NCOA7: variants seen among roughly 807,000 people sequenced by gnomAD.
The protein encoded by NCOA7 is 140 kDa estrogen receptor-associated protein.
A neutral mutation model predicts 104.3 loss-of-function variants in NCOA7; 45 were observed. That is an observed-to-expected ratio of 0.43 (90% confidence interval 0.34 to 0.55). The LOEUF (loss-of-function observed/expected upper bound fraction) is 0.55, where lower values mean the gene tolerates loss of function less well. NCOA7 is among the 20% of genes least tolerant of loss of function. The probability of loss-of-function intolerance (pLI) is 0.02; values close to 1 mark genes in which losing one functional copy is unlikely to be tolerated. For missense variants in NCOA7, 1,041 were observed against 1,119.7 expected (o/e 0.93, Z 1.00); for synonymous variants, 398 against 402.3 (o/e 0.99, Z 0.13).
intron 2 of NCOA7, among the ~76,000 whole-genome samples, chr6:125,837,505 G>A (rs554572919): frequency 6.6e-6 from 1 of 152,212 alleles, no homozygotes; most frequent in Non-Finnish European, 1.5e-5. Context: ...CCTTTTACAT[G>A]TCTCTCAGCT....
chr6:125,784,060 A>G (rs1436035998), intron 1 of NCOA7, among the ~76,000 whole-genome samples: 7 of 152,222 alleles, frequency 4.6e-5, no homozygotes, highest in Non-Finnish European at 1.0e-4. Flanking sequence ...ACTTGCCCAC[A>G]AGTGATTCAT....
rs1475247682 is a variant in NCOA7, at chr6:125,856,332, T to C, written c.271+1092T>C. Among the ~76,000 whole-genome samples, 19 of 149,218 alleles carry C rather than the reference T, an allele frequency of 1.3e-4. No homozygotes were observed. In the Admixed American group the frequency reaches 1.3e-3, roughly 10 times the overall value. On this transcript the variant is annotated intron_variant, in intron 3 of 15. Coordinates refer to ENST00000392477, the MANE Select transcript of NCOA7 (RefSeq NM_181782.5). ...AAAGTTACAGGAAGACATATGTTTA[T>C]GTCTCCATGTTTTTTTGTTTGTTTT...
At chr6:125,801,603 A>T (rs998462235) in intron 1 of NCOA7, among the ~76,000 whole-genome samples, 38 of 152,324 alleles carry the variant, frequency 2.5e-4, no homozygotes, top group African/African-American at 8.7e-4. Context: ...AGGTGTCAGC[A>T]GGGCCGTGTT....
chr6:125,830,112 A>G (rs1779036297), intron 2 of NCOA7, among the ~76,000 whole-genome samples: 1 of 152,206 alleles, frequency 6.6e-6, no homozygotes, highest in Non-Finnish European at 1.5e-5. Context: ...CTCTTGTTAG[A>G]GGGAAGTTGT....
rs566588759 is a variant in NCOA7, at chr6:125,840,097, T to C, written c.51-14923T>C. 3.5e-4 allele frequency among the ~76,000 whole-genome samples: 53 copies of C among 152,110 alleles called. No individual in the cohort carries two copies. In the South Asian group the frequency reaches 0.01, roughly 30 times the overall value. ...CCTGAGAACTTCCAGTGGGACAGGATGTGGAGGTGGAAGACAATGACGTTG... is the reference window on the plus strand; with the variant it reads ...CCTGAGAACTTCCAGTGGGACAGGACGTGGAGGTGGAAGACAATGACGTTG... On this transcript the variant is annotated intron_variant, in intron 2 of 15. Coordinates refer to ENST00000392477, the MANE Select transcript of NCOA7 (RefSeq NM_181782.5).
intron 2 of NCOA7, among the ~76,000 whole-genome samples, chr6:125,839,557 ACCTC>A (rs1447761230): frequency 6.6e-6 from 1 of 151,722 alleles, no homozygotes; most frequent in Admixed American, 6.6e-5. Context: ...CTCTCGAGGC[ACCTC>A]CCTCCCTCCG....
At chr6:125,783,803 A>C (rs532903949) in intron 1 of NCOA7, among the ~76,000 whole-genome samples, 1 of 152,344 alleles carries the variant, frequency 6.6e-6, no homozygotes, top group East Asian at 1.9e-4. Flanking sequence ...TTTTTTACAC[A>C]AAGAGTAGCA....
chr6:125,862,264 A>G lies in NCOA7; in HGVS notation c.271+7024A>G, dbSNP rs1238888457. 1.5e-5 allele frequency among the ~76,000 whole-genome samples: 2 copies of G among 137,046 alleles called. 1 individual carries two copies. Among genetic ancestry groups the G allele is most frequent in the Non-Finnish European group, 3.1e-5 (2 of 64,692 alleles). 89.9% of individuals were successfully genotyped at this position (137,046 alleles called of 152,430 possible). Reference sequence around the variant, plus strand: ...CCTTAGTTAGGCAGAATTATGGGGAATACTCAGTCCTCCGAATAACTGTAG... The same window carrying G: ...CCTTAGTTAGGCAGAATTATGGGGAGTACTCAGTCCTCCGAATAACTGTAG... On this transcript the variant is annotated intron_variant, in intron 3 of 15. Transcript: ENST00000392477.
intron 11 of NCOA7, chr6:125,919,266 A>T (rs1787352898): frequency 6.2e-7 from 1 of 1,611,332 alleles, no homozygotes; most frequent in Admixed American, 1.7e-5. Context: ...GTTGTAGCTC[A>T]GCGTGGCTAC....
intron 1 of NCOA7, among the ~76,000 whole-genome samples, chr6:125,803,106 G>T (rs1184212738): frequency 6.6e-6 from 1 of 152,114 alleles, no homozygotes; most frequent in Non-Finnish European, 1.5e-5. Flanking sequence ...TTTTCACTGG[G>T]GATAAGACTG....
At chr6:125,809,475 G>T (rs572569652) in intron 1 of NCOA7, among the ~76,000 whole-genome samples, 1 of 152,152 alleles carries the variant, frequency 6.6e-6, no homozygotes, top group African/African-American at 2.4e-5. Context: ...GAGCCACTGC[G>T]TCTGGGTACC....
chr6:125,840,868 G>GTTTTTTTTTT lies in NCOA7; in HGVS notation c.51-14119_51-14110dup, dbSNP rs57168444. ...TTTTATGGTTTTTTTTGTTTGGTTGGTTTTTTTTTTTTTTTTTTTTTTTTT... is the reference window on the plus strand; with the variant it reads ...TTTTATGGTTTTTTTTGTTTGGTTGGTTTTTTTTTTTTTTTTTTTTTTTTTTTTTTTTTTT... On this transcript the variant is annotated intron_variant, in intron 2 of 15. Coordinates refer to ENST00000392477, the MANE Select transcript of NCOA7 (RefSeq NM_181782.5). Among the ~76,000 whole-genome samples, 41 of 40,368 alleles carry GTTTTTTTTTT rather than the reference G, an allele frequency of 1.0e-3. 7 individuals carry two copies. The highest frequency in any genetic ancestry group is 1.5e-3 in the East Asian group (2 of 1,358). The allele number at this position is 40,368 out of a possible 152,430, so 26.5% of individuals were successfully genotyped here. A position where few individuals can be genotyped will look rare whatever the true frequency, so the allele number is the denominator to read the frequency against.
At chr6:125,843,250 A>C (rs1780322243) in intron 2 of NCOA7, among the ~76,000 whole-genome samples, 2 of 152,166 alleles carry the variant, frequency 1.3e-5, no homozygotes, top group African/African-American at 4.8e-5. Flanking sequence ...GCTGGCTTTG[A>C]AAAATGGAGG....
intron 7 of NCOA7, 166 bp downstream of exon 7, chr6:125,882,717 CTT>C: frequency 1.4e-6 from 1 of 690,124 alleles, no homozygotes; most frequent in Non-Finnish European, 2.3e-6. Context: ...TGGAATTTTA[CTT>C]ACTGAGGTAA....
At chr6:125,805,908 T>G (rs1018687799) in intron 1 of NCOA7, among the ~76,000 whole-genome samples, 3 of 152,190 alleles carry the variant, frequency 2.0e-5, no homozygotes, top group African/African-American at 7.2e-5. Flanking sequence ...TAGTCATTGA[T>G]TTTTTTACAC....
intron 10 of NCOA7, among the ~76,000 whole-genome samples, chr6:125,907,429 C>T (rs117357327): frequency 7.2e-5 from 11 of 152,312 alleles, no homozygotes; most frequent in East Asian, 3.9e-4. Context: ...ACAGCACTGA[C>T]GGGCTGGCTC....
intron 3 of NCOA7, among the ~76,000 whole-genome samples, chr6:125,863,243 T>G (rs1469754917): frequency 7.3e-6 from 1 of 137,874 alleles, no homozygotes; most frequent in African/African-American, 3.0e-5. Context: ...GGACACTCCT[T>G]TCCTGACCTC....
At chr6:125,914,813 A>G (rs554007036) in intron 10 of NCOA7, among the ~76,000 whole-genome samples, 2 of 152,364 alleles carry the variant, frequency 1.3e-5, no homozygotes, top group African/African-American at 4.8e-5. Flanking sequence ...TTCCTGCGTC[A>G]ATAAAATTAG....
chr6:125,866,222 A>T (rs746183025), intron 3 of NCOA7, among the ~76,000 whole-genome samples: 5 of 151,880 alleles, frequency 3.3e-5, no homozygotes, highest in Non-Finnish European at 5.9e-5. Flanking sequence ...CCAGCTGTTC[A>T]GGAGGCTGAG....
Sources: gnomAD v4.1 joint callset for allele counts (sites outside exome capture counted in the v4.1 genomes callset) on GRCh38, gnomAD v4.1.1 for gene constraint, MANE v1.5 for transcripts, NCBI Gene and HGNC (gene_info 2026-07-23, HGNC 2026-07-21) for gene names.